Variants in FBXO21 observed in about 807,000 individuals in gnomAD.
The protein encoded by FBXO21 is F-box protein 21.
FBXO21 carries 32 observed loss-of-function variants against 76.6 expected under a neutral mutation model. The ratio of observed to expected loss-of-function variants is 0.42; its 90% CI spans 0.32 to 0.56. The LOEUF (loss-of-function observed/expected upper bound fraction) is 0.56, where lower values mean the gene tolerates loss of function less well. Ranked by LOEUF, FBXO21 falls within the 20% of genes least tolerant of loss-of-function variation. The pLI is 0.16. For synonymous variants in FBXO21, 328 were observed against 311.5 expected (o/e 1.05, Z -0.56); for missense variants, 586 against 797.3 (o/e 0.73, Z 3.19).
In FBXO21 at chr12:117,144,684, C is replaced by T. The variant is rs1955748579; in HGVS notation, c.*1403G>A. The T allele has an allele frequency of 1.3e-5, 2 of 152,180 alleles. No homozygotes were observed. The highest frequency in any genetic ancestry group is 6.5e-5 in the Admixed American group (1 of 15,272). The allele number at this position is 152,180 out of a possible 1,614,324, so 9.4% of individuals were successfully genotyped here. On this transcript the variant is annotated 3_prime_UTR_variant, in exon 12 of 12. Transcript: ENST00000622495. ...GAGCAAAGTAACTAGGTCCTAACTT[C>T]GGAAGTTAGCTTCTATCGATTAATG...
At chr12:117,167,234 C>G (rs373719403) in intron 7 of FBXO21, among the ~76,000 whole-genome samples, 157 bp from the exon 8 acceptor site, 1 of 152,164 alleles carries the variant, frequency 6.6e-6, no homozygotes, top group African/African-American at 2.4e-5. Context: ...CCCCTTTGTG[C>G]AAGCTCTGCT....
intron 2 of FBXO21, among the ~76,000 whole-genome samples, chr12:117,188,600 A>C (rs1335579237): frequency 6.6e-6 from 1 of 150,684 alleles, no homozygotes; most frequent in Admixed American, 6.6e-5. Context: ...AGAAAAAAAG[A>C]AAACAAAACA....
chr12:117,189,460 C>T, intron 1 of FBXO21, 98 bp from the exon 2 acceptor site: 1 of 1,383,444 alleles, frequency 7.2e-7, no homozygotes, highest in Non-Finnish European at 1.0e-6. Context: ...CAGTGGCGTC[C>T]AGTGGTAAGA....
intron 1 of FBXO21, 32 bp from the exon 2 acceptor site, chr12:117,189,394 C>T (rs748787192): frequency 6.2e-7 from 1 of 1,613,348 alleles, no homozygotes; most frequent in Non-Finnish European, 8.5e-7. Flanking sequence ...CTCAGCTTAA[C>T]AGAAACTCAA....
At position 117,187,420 on chromosome 12, in the gene FBXO21, CA is replaced by C. The variant is rs921514232; in HGVS notation, c.376-850del. Among the ~76,000 whole-genome samples, 430 of 59,696 alleles carry C rather than the reference CA, an allele frequency of 7.2e-3. 1 individual carries two copies. The highest frequency in any genetic ancestry group is 0.015 in the African/African-American group (209 of 13,484). The allele number at this position is 59,696 out of a possible 152,430, so 39.2% of individuals were successfully genotyped here. ...GGGCAACAAGAGTGAAACTCTGTCTCAAAAAAAAAAAAAAAAAAAAAAAAAA... is the reference window on the plus strand; with the variant it reads ...GGGCAACAAGAGTGAAACTCTGTCTCAAAAAAAAAAAAAAAAAAAAAAAAA... On this transcript the variant is annotated intron_variant, in intron 2 of 11. Transcript: ENST00000622495.
intron 9 of FBXO21, among the ~76,000 whole-genome samples, chr12:117,164,281 T>C (rs1397611075): frequency 5.0e-5 from 5 of 100,364 alleles, no homozygotes; most frequent in African/African-American, 1.2e-4. Flanking sequence ...TTTCTTTTTT[T>C]TTTTTTTTTT....
intron 11 of FBXO21, among the ~76,000 whole-genome samples, chr12:117,150,311 C>T (rs898993704): frequency 1.3e-5 from 2 of 152,170 alleles, no homozygotes; most frequent in African/African-American, 2.4e-5. Context: ...CTTATTTTAA[C>T]GTTCAGCTAC....
intron 11 of FBXO21, among the ~76,000 whole-genome samples, chr12:117,149,718 G>A (rs1349299667): frequency 3.9e-5 from 6 of 152,220 alleles, no homozygotes; most frequent in Admixed American, 3.9e-4. Flanking sequence ...ACCCAGCCCT[G>A]TGTTTCAGCA....
intron 11 of FBXO21, among the ~76,000 whole-genome samples, chr12:117,150,785 G>A (rs1592866571): frequency 6.6e-6 from 1 of 152,066 alleles, no homozygotes; most frequent in African/African-American, 2.4e-5. Context: ...TGACATGTTT[G>A]TGCCACTTAA....
intron 4 of FBXO21, among the ~76,000 whole-genome samples, chr12:117,175,216 A>C (rs550151274): frequency 1.3e-5 from 2 of 152,256 alleles, no homozygotes; most frequent in East Asian, 1.9e-4. Context: ...AAAACAACAA[A>C]AAAAAACAAC....
intron 11 of FBXO21, among the ~76,000 whole-genome samples, chr12:117,152,951 T>C (rs1955861261): frequency 6.6e-6 from 1 of 152,074 alleles, no homozygotes; most frequent in Admixed American, 6.6e-5. Context: ...TCAAAGAAGA[T>C]GAACGGAAGT....
rs1053710319 is a variant in FBXO21 at position 117,143,691 on chromosome 12, T to C, written c.*2396A>G. The C allele has an allele frequency of 4.6e-5, 7 of 152,772 alleles. No individual in the cohort carries two copies. The highest frequency in any genetic ancestry group is 1.4e-4 in the African/African-American group (6 of 41,582). The allele number at this position is 152,772 out of a possible 1,614,324, so 9.5% of individuals were successfully genotyped here. A position where few individuals can be genotyped will look rare whatever the true frequency, so the allele number is the denominator to read the frequency against. On this transcript the variant is annotated 3_prime_UTR_variant, in exon 12 of 12. Transcript: ENST00000622495. ...AAAATTCAGCAGAACATACTTTTCA[T>C]ATTTAGATCCGAAGAGAGGTGAGAG...
chr12:117,149,597 T>C (rs1344250), intron 11 of FBXO21, among the ~76,000 whole-genome samples: 27,634 of 152,144 alleles, frequency 0.18, 3,147 homozygotes, highest in East Asian at 0.41. Context: ...TTGCAGTGGG[T>C]GGAGGCCAGG....
chr12:117,178,192 T>C (rs1956192966), intron 3 of FBXO21, among the ~76,000 whole-genome samples: 2 of 152,152 alleles, frequency 1.3e-5, no homozygotes, highest in Admixed American at 1.3e-4. Flanking sequence ...GGCATCTCCA[T>C]CATTCTAGTG....
In FBXO21 at chr12:117,182,815, G is replaced by A. The variant is rs554581046; in HGVS notation, c.470+3662C>T. Among the ~76,000 whole-genome samples, 15 of 151,932 alleles carry A rather than the reference G, an allele frequency of 9.9e-5. No individual in the cohort carries two copies. In the South Asian group the frequency reaches 1.7e-3, roughly 17 times the overall value. On this transcript the variant is annotated intron_variant, in intron 3 of 11. Coordinates refer to ENST00000622495, the MANE Select transcript of FBXO21 (RefSeq NM_015002.3). Reference sequence around the variant, plus strand: ...TGACCTCAAGTGATCAACCCGCCTCGGCCTCTCAAAATGCTGTGATTACAG... The same window carrying A: ...TGACCTCAAGTGATCAACCCGCCTCAGCCTCTCAAAATGCTGTGATTACAG...
At chr12:117,178,072 G>C (rs1027929395) in intron 3 of FBXO21, among the ~76,000 whole-genome samples, 2 of 152,116 alleles carry the variant, frequency 1.3e-5, no homozygotes, top group African/African-American at 4.8e-5. Context: ...GTTCTCTCTT[G>C]AACTCTAGAC....
intron 7 of FBXO21, among the ~76,000 whole-genome samples, chr12:117,169,999 A>G (rs1164302624): frequency 2.0e-5 from 3 of 152,182 alleles, no homozygotes; most frequent in Non-Finnish European, 4.4e-5. Context: ...ATCCACAGAG[A>G]AAAGCCAGGA....
At chr12:117,185,644 A>G (rs2135887670) in intron 3 of FBXO21, among the ~76,000 whole-genome samples, 1 of 152,342 alleles carries the variant, frequency 6.6e-6, no homozygotes, top group East Asian at 1.9e-4. Flanking sequence ...CTAAGTACGC[A>G]GTTTTCTGAC....
At chr12:117,152,184 T>G (rs944304623) in intron 11 of FBXO21, among the ~76,000 whole-genome samples, 3 of 152,076 alleles carry the variant, frequency 2.0e-5, no homozygotes, top group South Asian at 2.1e-4. Context: ...TACAAGACAA[T>G]GGCCAGGCAC....
Sources: allele counts gnomAD v4.1 joint callset (sites outside exome capture counted in the v4.1 genomes callset), GRCh38; gene constraint gnomAD v4.1.1; transcripts MANE v1.5; gene names NCBI Gene and HGNC (gene_info 2026-07-23, HGNC 2026-07-21).